Variants in PARP11 observed in about 807,000 individuals in gnomAD.
PARP11 encodes the protein poly(ADP-ribose) polymerase family member 11, also known as protein mono-ADP-ribosyltransferase PARP11.
In PARP11, 31 loss-of-function variants were observed where a neutral mutation model predicts 42.9. The ratio of observed to expected loss-of-function variants is 0.72; its 90% confidence interval spans 0.54 to 0.98. The LOEUF (loss-of-function observed/expected upper bound fraction) is 0.98. Ranked by LOEUF, PARP11 falls within the 50% of genes least tolerant of loss-of-function variation. PARP11 has a pLI of 0.00. For synonymous variants in PARP11, 137 were observed against 127.3 expected (o/e 1.08, Z -0.51); for missense variants, 365 against 413.1 (o/e 0.88, Z 1.01).
In PARP11 at chr12:3,821,865, C is replaced by A; in HGVS notation, c.548+8G>T. On this transcript the variant is annotated splice_region_variant and intron_variant, in intron 6 of 7. Transcript: ENST00000228820. Reference sequence around the variant, plus strand: ...AAAGGAGAAGTTTCAGATTAGAAATCATCTCACCTGCAAAAGAACTCCCAC... The same window carrying A: ...AAAGGAGAAGTTTCAGATTAGAAATAATCTCACCTGCAAAAGAACTCCCAC... The A allele has an allele frequency of 6.2e-7, 1 of 1,602,180 alleles. No homozygotes were observed. The highest frequency in any genetic ancestry group is 8.5e-7 in the Non-Finnish European group (1 of 1,177,194).
At chr12:3,847,497 G>A (rs1356978712) in intron 1 of PARP11, among the ~76,000 whole-genome samples, 1 of 152,098 alleles carries the variant, frequency 6.6e-6, no homozygotes, top group Non-Finnish European at 1.5e-5. Context: ...CACATCCCAA[G>A]GATGCAAGGA....
At chr12:3,848,323 A>G (rs574485597) in intron 1 of PARP11, among the ~76,000 whole-genome samples, 57 of 152,296 alleles carry the variant, frequency 3.7e-4, no homozygotes, top group Admixed American at 1.8e-3. Flanking sequence ...TAAAATTTAT[A>G]TAGAACCACA....
Position 3,840,707 on chromosome 12 carries a change from G to A in PARP11, c.19-10689C>T. On this transcript the variant is annotated intron_variant, in intron 1 of 7. Coordinates refer to ENST00000228820, the MANE Select transcript of PARP11 (RefSeq NM_020367.6). This position sits in a 1 kb window ranked among gnomAD's most constrained non-coding sequence, Gnocchi z 4.4. ...AAGCAGGCGGAGAATGGATACAGAA[G>A]AACGAAAAGACAAAGACTCTATTCA... is the stretch of plus-strand genomic sequence containing the variant. 2.4e-6 allele frequency: 3 copies of A among 1,271,182 alleles called. No homozygotes were observed. In the South Asian group the frequency reaches 3.6e-5, roughly 15 times the overall value. 78.7% of individuals were successfully genotyped at this position (1,271,182 alleles called of 1,614,324 possible).
chr12:3,823,068 T>C (rs1390686301), intron 4 of PARP11, among the ~76,000 whole-genome samples: 4 of 152,212 alleles, frequency 2.6e-5, no homozygotes, highest in Admixed American at 6.5e-5. Context: ...AGGGATTTAA[T>C]AGCAAAAGGC....
At chr12:3,839,361 G>A in intron 1 of PARP11, 1 of 1,539,036 alleles carries the variant, frequency 6.5e-7, no homozygotes, top group South Asian at 1.2e-5. Context: ...GGCCCCGCGA[G>A]GACGCGACGC....
intron 1 of PARP11, among the ~76,000 whole-genome samples, chr12:3,832,545 TG>T (rs773587263): frequency 3.9e-5 from 6 of 152,332 alleles, no homozygotes; most frequent in Middle Eastern, 6.8e-3. Flanking sequence ...ACAGATGCTC[TG>T]GGTTTCTTTA....
intron 1 of PARP11, among the ~76,000 whole-genome samples, chr12:3,837,505 T>A (rs1947791981): frequency 6.6e-6 from 1 of 151,930 alleles, no homozygotes. Context: ...AGAAAATCAC[T>A]TAACCAGAAA....
intron 1 of PARP11, among the ~76,000 whole-genome samples, chr12:3,847,317 C>A (rs1201317367): frequency 6.6e-6 from 1 of 152,144 alleles, no homozygotes; most frequent in Admixed American, 6.5e-5. Flanking sequence ...AAACTCAATT[C>A]TACGAGACAG....
At chr12:3,862,216 G>A (rs950665831) in intron 1 of PARP11, among the ~76,000 whole-genome samples, 1 of 152,124 alleles carries the variant, frequency 6.6e-6, no homozygotes, top group African/African-American at 2.4e-5. Flanking sequence ...TTGAGACCAG[G>A]AGTTTTAGAC....
At chr12:3,865,185 A>G (rs1471049793) in intron 1 of PARP11, among the ~76,000 whole-genome samples, 2 of 152,118 alleles carry the variant, frequency 1.3e-5, no homozygotes, top group Non-Finnish European at 2.9e-5. Flanking sequence ...CTGGTTTCTA[A>G]CTTAATTCCA....
chr12:3,844,673 A>G (rs1226497577), intron 1 of PARP11, among the ~76,000 whole-genome samples: 3 of 152,196 alleles, frequency 2.0e-5, no homozygotes, highest in East Asian at 1.9e-4. Context: ...CCTGAAGGAA[A>G]CACTGATTTG....
intron 1 of PARP11, among the ~76,000 whole-genome samples, chr12:3,833,494 C>T (rs1332537682): frequency 6.6e-6 from 1 of 152,142 alleles, no homozygotes; most frequent in African/African-American, 2.4e-5. Context: ...GTCCTAGCCC[C>T]TTGAGAGGCT....
intron 1 of PARP11, chr12:3,841,747 C>A: frequency 6.2e-7 from 1 of 1,612,954 alleles, no homozygotes; most frequent in Admixed American, 1.7e-5. Flanking sequence ...TCCTTTCTTT[C>A]CTCATGTTTG....
intron 1 of PARP11, among the ~76,000 whole-genome samples, chr12:3,831,725 G>T (rs771108036): frequency 2.0e-5 from 3 of 152,014 alleles, no homozygotes; most frequent in Non-Finnish European, 4.4e-5. Context: ...ATGAAAAATA[G>T]AACACCCTAG....
Position 3,859,683 on chromosome 12 carries a change from C to A in PARP11, c.18+13529G>T, listed in dbSNP as rs913751716. Among the ~76,000 whole-genome samples the A allele has an allele frequency of 2.6e-5, 4 of 151,896 alleles. No individual in the cohort carries two copies. In the South Asian group the frequency reaches 8.3e-4, roughly 32 times the overall value. On this transcript the variant is annotated intron_variant, in intron 1 of 7. Coordinates refer to ENST00000228820, the MANE Select transcript of PARP11 (RefSeq NM_020367.6). ...TTTTCAGATTAGATTTTTTTGAAAT[C>A]CAGCTATATGCTGTCCACAGAAATA...
chr12:3,813,997 C>T, intron 7 of PARP11, 40 bp downstream of exon 7: 1 of 1,483,238 alleles, frequency 6.7e-7, no homozygotes, highest in Non-Finnish European at 9.1e-7. Context: ...AGGAAACTCT[C>T]TCCTGGGGCT....
chr12:3,841,848 G>C, intron 1 of PARP11: 1 of 1,609,122 alleles, frequency 6.2e-7, no homozygotes, highest in Non-Finnish European at 8.5e-7. Flanking sequence ...AATTGGATCT[G>C]TCTCTGGAAA....
chr12:3,828,544 C>CAAAAAAAAA (rs543241542), intron 3 of PARP11, among the ~76,000 whole-genome samples: 1 of 75,936 alleles, frequency 1.3e-5, no homozygotes, highest in Admixed American at 1.2e-4. Context: ...TGAGACGTCT[C>CAAAAAAAAA]AAAAAAAAAA....
At chr12:3,822,462 G>C (rs563267737) in intron 4 of PARP11, among the ~76,000 whole-genome samples, 1 of 143,340 alleles carries the variant, frequency 7.0e-6, no homozygotes, top group Non-Finnish European at 1.5e-5. Context: ...AGCCAGGCGT[G>C]GGGGCGGGCG....
Sources: gnomAD v4.1 joint callset for allele counts (sites outside exome capture counted in the v4.1 genomes callset) on GRCh38, gnomAD v4.1.1 for gene constraint, Gnocchi (gnomAD v3.1) non-coding constraint, MANE v1.5 for transcripts, NCBI Gene and HGNC (gene_info 2026-07-23, HGNC 2026-07-21) for gene names.